The following KRT6B variants were observed in gnomAD, a reference collection of about 807,000 sequenced individuals.
KRT6B encodes keratin, type II cytoskeletal 6B.
KRT6B carries 29 observed loss-of-function variants against 44.7 expected under a neutral mutation model. The observed-to-expected ratio is 0.65, with a 90% confidence interval of 0.48 to 0.88. The LOEUF (loss-of-function observed/expected upper bound fraction) is 0.88. Among genes scored for constraint, KRT6B ranks in the 40% least tolerant of loss-of-function variants. KRT6B has a pLI of 0.00. For missense variants in KRT6B, 600 were observed against 724.0 expected (o/e 0.83, Z 1.97); for synonymous variants, 213 against 296.0 (o/e 0.72, Z 2.88).
At chr12:52,448,317 C>T (rs406857) in intron 6 of KRT6B, among the ~76,000 whole-genome samples, 97,206 of 152,068 alleles carry the variant, frequency 0.64, 31,437 homozygotes, top group African/African-American at 0.72. Flanking sequence ...TTTTTGATGA[C>T]CTTACATGGA....
At chr12:52,447,661 T>C in intron 7 of KRT6B, 88 bp from the exon 8 acceptor site, 4 of 1,613,818 alleles carry the variant, frequency 2.5e-6, no homozygotes, top group African/African-American at 2.7e-5. Flanking sequence ...GGAAAACTTT[T>C]AGTTTTCTCC....
chr12:52,448,412 C>T (rs185058052), intron 6 of KRT6B, among the ~76,000 whole-genome samples: 96 of 152,344 alleles, frequency 6.3e-4, no homozygotes, highest in Admixed American at 1.6e-3. Context: ...TCCTGCCTCA[C>T]ATCCTCTCAC....
At chr12:52,448,724 C>A (rs769295722) in intron 6 of KRT6B, 118 bp downstream of exon 6, 117 of 1,545,946 alleles carry the variant, frequency 7.6e-5, no homozygotes, top group Non-Finnish European at 8.9e-5. Flanking sequence ...AACTGCATGT[C>A]TTTCCTTCTC....
intron 6 of KRT6B, 57 bp downstream of exon 6, chr12:52,448,785 G>A: frequency 2.5e-6 from 4 of 1,613,466 alleles, no homozygotes; most frequent in Non-Finnish European, 3.4e-6. Context: ...GGTGACTACT[G>A]CCTCATGACC....
Position 52,451,831 on chromosome 12 carries a change from T to G in KRT6B, c.248A>C (p.Tyr83Ser), listed in dbSNP as rs1468180571. The G allele has an allele frequency of 1.2e-6, 2 of 1,611,172 alleles. No homozygotes were observed. Among genetic ancestry groups the G allele is most frequent in the East Asian group, 4.5e-5 (2 of 44,810 alleles). ...ATAGCTGCCTCCGGCTCTGCTGCCA[T>G]AGCCGCCACTGATGGCACAGCTGCC... is the stretch of plus-strand genomic sequence containing the variant. ...GGGSCAISGG[Y>S]GSRAGGSYGF... The change falls in exon 1 of 9, where the codon TAT becomes TCT. Residue 83 changes from tyrosine to serine, a missense_variant. Coordinates refer to ENST00000252252, the MANE Select transcript of KRT6B (RefSeq NM_005555.4).
Position 52,447,844 on chromosome 12 carries a change from T to C in KRT6B, c.1358A>G (p.Asn453Ser). The C allele has an allele frequency of 2.5e-6, 4 of 1,614,164 alleles. No individual in the cohort carries two copies. The highest frequency in any genetic ancestry group is 3.4e-6 in the Non-Finnish European group (4 of 1,180,028). The change falls in exon 7 of 9, where the codon AAC becomes AGC. Residue 453 changes from asparagine (N) to serine (S), a missense_variant. Transcript: ENST00000252252. ...CTCCACATCCAGGGCCAGCTTGACG[T>C]TCATCAGCTCCTGGTACTCCTTCAG... is the stretch of plus-strand genomic sequence containing the variant. ...RLLKEYQELM[N>S]VKLALDVEIA... is the part of the protein sequence containing the mutation.
intron 4 of KRT6B, 54 bp from the exon 5 acceptor site, chr12:52,449,687 C>T (rs1250427015): frequency 1.5e-5 from 25 of 1,614,036 alleles, no homozygotes; most frequent in East Asian, 4.5e-5. Flanking sequence ...TACAGAGATG[C>T]CCAGCCCTGT....
Position 52,447,382 on chromosome 12 carries a change from G to C in KRT6B, c.1503C>G (p.Ser501Arg). The change falls in exon 9 of 9, where the codon AGC becomes AGG. Residue 501 changes from serine to arginine, a missense_variant. Physicochemically the swap from Ser to Arg is moderately radical, Grantham distance 110. This residue lies in a region of KRT6B where 479 missense variants were observed against 454.2 expected (regional missense o/e 1.05). Transcript: ENST00000252252. The part of the protein sequence containing the change: ...STVSSGYGGA[S>R]GVGSGLGLGG... ...CCAGGCCTAAGCCACTGCCGACACC[G>C]CTGGCACCGCCATAGCCACTGGAGA... 6.2e-7 allele frequency: 1 copy of C among 1,613,898 alleles called. No homozygotes were observed. The highest frequency in any genetic ancestry group is 8.5e-7 in the Non-Finnish European group (1 of 1,179,872).
chr12:52,447,463 A>G lies in KRT6B; in HGVS notation c.1460-38T>C, dbSNP rs200384166. 275 of 1,614,036 alleles carry G rather than the reference A, an allele frequency of 1.7e-4. No homozygotes were observed. The African/African-American group carries it at 3.2e-3, about 19-fold the overall frequency. On this transcript the variant is annotated intron_variant, in intron 8 of 8. Coordinates refer to ENST00000252252, the MANE Select transcript of KRT6B (RefSeq NM_005555.4). ...GGGGACAAGGACACAAGAAGCCACA[A>G]TGAGTTCATCCTGCCGGCCTGAGCC...
chr12:52,447,439 G>A lies in KRT6B; in HGVS notation c.1460-14C>T. The A allele has an allele frequency of 6.2e-7, 1 of 1,614,038 alleles. No individual in the cohort carries two copies. Among genetic ancestry groups the A allele is most frequent in the East Asian group, 2.2e-5 (1 of 44,858 alleles). ...ACTGCACTACAGCTGTGGTGGGGAG[G>A]GGACAAGGACACAAGAAGCCACAAT... On this transcript the variant is annotated splice_polypyrimidine_tract_variant and intron_variant, in intron 8 of 8. Coordinates refer to ENST00000252252, the MANE Select transcript of KRT6B (RefSeq NM_005555.4).
At chr12:52,451,436 A>T in intron 1 of KRT6B, 103 bp downstream of exon 1, 4 of 1,607,940 alleles carry the variant, frequency 2.5e-6, no homozygotes, top group Non-Finnish European at 2.6e-6. Flanking sequence ...AGCTGGGCTG[A>T]GTCCCCTTCT....
intron 2 of KRT6B, 73 bp from the exon 3 acceptor site, chr12:52,450,145 A>G: frequency 6.2e-7 from 1 of 1,613,010 alleles, no homozygotes; most frequent in Non-Finnish European, 8.5e-7. Context: ...TTGGGATTCA[A>G]CATTTTCCTG....
intron 3 of KRT6B, 36 bp from the exon 4 acceptor site, chr12:52,449,889 C>T (rs182918456): frequency 3.1e-6 from 5 of 1,613,504 alleles, no homozygotes; most frequent in Non-Finnish European, 1.7e-6. Flanking sequence ...GTTGCCTGAG[C>T]TCACCTTTCC....
intron 6 of KRT6B, among the ~76,000 whole-genome samples, chr12:52,448,400 C>T (rs1420354318): frequency 6.6e-6 from 1 of 152,220 alleles, no homozygotes; most frequent in African/African-American, 2.4e-5. Context: ...ACCTTGCCTT[C>T]CTCCTGCCTC....
rs770497003 is a variant in KRT6B, at chr12:52,447,974, C to T, written c.1228G>A (p.Ala410Thr). 13 of 1,614,028 alleles carry T rather than the reference C, an allele frequency of 8.1e-6. No homozygotes were observed. The African/African-American group carries it at 1.3e-4, about 17-fold the overall frequency. The change falls in exon 7 of 9, where the codon GCT (alanine) becomes ACT (threonine). Residue 410 changes from alanine (A) to threonine (T), a missense_variant. Coordinates refer to ENST00000252252, the MANE Select transcript of KRT6B (RefSeq NM_005555.4). ...KQCANLQAAI[A>T]DAEQRGEMAL... ...ATCTCCCCACGCTGCTCAGCATCAG[C>T]AATGGCGGCCTGTAGGTTGGCACAC...
At position 52,449,801 on chromosome 12, in the gene KRT6B, G is replaced by A. The variant is rs1940368953; in HGVS notation, c.869C>T (p.Thr290Ile). 6.2e-7 allele frequency: 1 copy of A among 1,613,898 alleles called. No individual in the cohort carries two copies. The highest frequency in any genetic ancestry group is 1.1e-5 in the South Asian group (1 of 91,080). The change falls in exon 4 of 9, where the codon ACT (threonine) becomes ATT (isoleucine). Residue 290 changes from threonine to isoleucine, a missense_variant. Thr to Ile is a moderately conservative substitution (Grantham distance 89, BLOSUM62 -1). Coordinates refer to ENST00000252252, the MANE Select transcript of KRT6B (RefSeq NM_005555.4). ...CAGGAAGTTGATCTCATCTGTAAGA[G>A]TGTCTGCCTTGGCTTGCAGTTCAAC... is the stretch of plus-strand genomic sequence containing the variant. ...NKVELQAKAD[T>I]LTDEINFLRA...
At position 52,449,457 on chromosome 12, in the gene KRT6B, C is replaced by T; in HGVS notation, c.1077+12G>A. The T allele has an allele frequency of 6.2e-7, 1 of 1,614,226 alleles. No individual in the cohort carries two copies. Among genetic ancestry groups the T allele is most frequent in the East Asian group, 2.2e-5 (1 of 44,878 alleles). On this transcript the variant is annotated intron_variant, in intron 5 of 8. Coordinates refer to ENST00000252252, the MANE Select transcript of KRT6B (RefSeq NM_005555.4). ...ACAAGGATTCCTCAGCGGCTGTCCA[C>T]TCCGTGCTCACCTTTGTCTGGTACC...
chr12:52,448,786 C>A (rs1276844505), intron 6 of KRT6B, 56 bp downstream of exon 6: 8 of 1,613,624 alleles, frequency 5.0e-6, no homozygotes, highest in Middle Eastern at 1.6e-4. Flanking sequence ...GTGACTACTG[C>A]CTCATGACCT....
rs1393168424 is a variant in KRT6B at position 52,446,979 on chromosome 12, C to A, written c.*211G>T. On this transcript the variant is annotated 3_prime_UTR_variant, in exon 9 of 9. Transcript: ENST00000252252. ...ATACGGGAACTAAAAAGGACATTCG[C>A]ATGTCTGAGTGCTGATAACTGTTGA... 6.4e-6 allele frequency: 4 copies of A among 620,216 alleles called. No individual in the cohort carries two copies. Among genetic ancestry groups the A allele is most frequent in the Non-Finnish European group, 1.1e-5 (4 of 354,408 alleles). The allele number at this position is 620,216 out of a possible 1,614,324, so 38.4% of individuals were successfully genotyped here.
Sources: gnomAD v4.1 joint callset for allele counts (sites outside exome capture counted in the v4.1 genomes callset) on GRCh38, gnomAD v4.1.1 for gene constraint, gnomAD v4.1.1 regional missense constraint, MANE v1.5 for transcripts, NCBI Gene and HGNC (gene_info 2026-07-23, HGNC 2026-07-21) for gene names.